Variants in ATP8B3 observed in about 807,000 individuals in gnomAD.
ATP8B3 encodes the protein phospholipid-transporting ATPase IK.
ATP8B3 carries 141 observed loss-of-function variants against 140.9 expected under a neutral mutation model. The ratio of observed to expected loss-of-function variants is 1.00; its 90% CI spans 0.87 to 1.15. The LOEUF is 1.15. Ranked by LOEUF, ATP8B3 falls within the 50% of genes most tolerant of loss-of-function variation. The probability of loss-of-function intolerance (pLI) is 0.00; values close to 1 mark genes in which losing one functional copy is unlikely to be tolerated. For synonymous variants in ATP8B3, 765 were observed against 714.6 expected (o/e 1.07, Z -1.13); for missense variants, 1,874 against 1,740.6 (o/e 1.08, Z -1.36).
chr19:1,810,699 G>GC lies in ATP8B3; in HGVS notation c.249-17dup. 1.9e-6 allele frequency: 3 copies of GC among 1,610,040 alleles called. No individual in the cohort carries two copies. Among genetic ancestry groups the GC allele is most frequent in the Non-Finnish European group, 1.7e-6 (2 of 1,178,716 alleles). ...GCTGGTGGGGCTGTGGGAGAGAAGG[G>GC]CCCCGGGTCACAGCAGTGACCCCAG... is the stretch of plus-strand genomic sequence containing the variant. On this transcript the variant is annotated splice_polypyrimidine_tract_variant and intron_variant, in intron 2 of 28. Coordinates refer to ENST00000310127, the MANE Select transcript of ATP8B3 (RefSeq NM_138813.4).
At chr19:1,801,460 A>G (rs1488914550) in intron 12 of ATP8B3, among the ~76,000 whole-genome samples, 1 of 152,134 alleles carries the variant, frequency 6.6e-6, no homozygotes, top group Non-Finnish European at 1.5e-5. Context: ...CTAAAAATAT[A>G]TTTATTCTGG....
chr19:1,790,717 C>T, intron 21 of ATP8B3, 40 bp downstream of exon 21: 1 of 1,538,830 alleles, frequency 6.5e-7, no homozygotes, highest in Non-Finnish European at 8.8e-7. Context: ...TCCTCACCTC[C>T]CCACTCCCCT....
intron 28 of ATP8B3, among the ~76,000 whole-genome samples, chr19:1,784,462 C>T (rs2068240922): frequency 6.6e-6 from 1 of 152,162 alleles, no homozygotes; most frequent in African/African-American, 2.4e-5. Context: ...CTGCAGTGAG[C>T]CGAGATTGTG....
In ATP8B3 at chr19:1,795,784, TACACACACACACACACACACACAC is replaced by T. The variant is rs10526864; in HGVS notation, c.2055+67_2055+90del. The stretch of plus-strand genomic sequence containing the variant: ...CCCTGCCTCCTCCTCCTCCTGTCCC[TACACACACACACACACACACACAC>T]ACACACACACACACACACACACACA... On this transcript the variant is annotated intron_variant, in intron 18 of 28. Coordinates refer to ENST00000310127, the MANE Select transcript of ATP8B3 (RefSeq NM_138813.4). 1,560 of 894,586 alleles carry T rather than the reference TACACACACACACACACACACACAC, an allele frequency of 1.7e-3. 9 individuals carry two copies. The highest frequency in any genetic ancestry group is 0.016 in the South Asian group (985 of 63,284). 55.4% of individuals were successfully genotyped at this position (894,586 alleles called of 1,614,324 possible). A position where few individuals can be genotyped will look rare whatever the true frequency, so the allele number is the denominator to read the frequency against.
rs547340090 is a variant in ATP8B3 at position 1,795,980 on chromosome 19, C to T, written c.1950G>A (p.Lys650=). Residue 650 remains lysine (K), a synonymous_variant, in exon 18 of 29, where the codon AAG becomes AAA. Transcript: ENST00000310127. ...TGTACAGGCAGATGGCGCCCTCTGG[C>T]TTTCGAACTGTGGGGGAACAGGCCC... is the stretch of plus-strand genomic sequence containing the variant. ...TRKRMSVLVR[K]PEGAICLYTK... is the part of the protein sequence containing the mutation. The T allele has an allele frequency of 7.0e-5, 113 of 1,613,196 alleles. No homozygotes were observed. The South Asian group carries it at 1.2e-3, about 18-fold the overall frequency.
chr19:1,810,603 CT>C lies in ATP8B3; in HGVS notation c.310+18del, dbSNP rs778944155. 3.1e-6 allele frequency: 5 copies of C among 1,611,184 alleles called. 1 individual carries two copies. The highest frequency in any genetic ancestry group is 2.2e-5 in the East Asian group (1 of 44,758). Reference sequence around the variant, plus strand: ...TAATCCCTCCCACCTGCACCGCCCCCTCTGCCCAGGATCAGCACCTGAGTTC... The same window carrying C: ...TAATCCCTCCCACCTGCACCGCCCCCCTGCCCAGGATCAGCACCTGAGTTC... On this transcript the variant is annotated intron_variant, in intron 3 of 28. Transcript: ENST00000310127.
chr19:1,809,796 C>A, intron 3 of ATP8B3, 62 bp from the exon 4 acceptor site: 3 of 1,473,724 alleles, frequency 2.0e-6, no homozygotes, highest in South Asian at 2.4e-5. Context: ...CCCTAATGAC[C>A]GCCCGGAGGA....
rs188890185 is a variant in ATP8B3, at chr19:1,792,308, G to A, written c.2056-173C>T. On this transcript the variant is annotated intron_variant, in intron 18 of 28. Transcript: ENST00000310127. ...AGAAAACTGGTCTGAGGCCGGGTAC[G>A]GTGGCTCACGCCTGCAATCCCAGCA... 2.1e-4 allele frequency among the ~76,000 whole-genome samples: 32 copies of A among 152,328 alleles called. No individual in the cohort carries two copies. The South Asian group carries it at 6.0e-3, about 29-fold the overall frequency.
intron 5 of ATP8B3, 35 bp downstream of exon 5, chr19:1,808,187 A>AG: frequency 2.0e-6 from 3 of 1,504,174 alleles, no homozygotes; most frequent in South Asian, 1.2e-5. Flanking sequence ...CCAGGTGGCT[A>AG]GGGGGGACTT....
At chr19:1,810,720 C>A (rs2069165888) in intron 2 of ATP8B3, 37 bp from the exon 3 acceptor site, 2 of 1,594,594 alleles carry the variant, frequency 1.3e-6, no homozygotes, top group Admixed American at 3.5e-5. Flanking sequence ...CAGCAGTGAC[C>A]CCAGCCCTTG....
Position 1,808,315 on chromosome 19 carries a change from G to A in ATP8B3, c.423C>T (p.Ala141=), listed in dbSNP as rs1214040282. ...GCAGGAACGAGTAGAAGTTGTACTT[G>A]GCCGTGCGGATGACATTGGTCTGGA... ...KKYKTNVIRT[A]KYNFYSFLPL... Residue 141 remains alanine, a synonymous_variant, in exon 5 of 29, where the codon GCC becomes GCT. Transcript: ENST00000310127. 1 of 1,612,680 alleles carries A rather than the reference G, an allele frequency of 6.2e-7. No homozygotes were observed. The highest frequency in any genetic ancestry group is 1.7e-5 in the Admixed American group (1 of 59,970).
chr19:1,789,654 T>A lies in ATP8B3; in HGVS notation c.2552A>T (p.Gln851Leu). The A allele has an allele frequency of 6.2e-7, 1 of 1,600,866 alleles. No homozygotes were observed. Among genetic ancestry groups the A allele is most frequent in the East Asian group, 2.2e-5 (1 of 44,636 alleles). ...AQNVNMDEAWQELGQSRRDFL... is the reference protein window; with the variant it reads ...AQNVNMDEAWLELGQSRRDFL... Reference sequence around the variant, plus strand: ...ATCCCTCCTGGACTGGCCGAGCTCCTGCCACGCCTCGTCCATGTTCACGTT... The same window carrying A: ...ATCCCTCCTGGACTGGCCGAGCTCCAGCCACGCCTCGTCCATGTTCACGTT... Residue 851 changes from glutamine (Q) to leucine (L), a missense_variant, in exon 23 of 29, where the codon CAG (glutamine) becomes CTG (leucine). By Grantham distance (113) the Gln-to-Leu change is moderately radical. Coordinates refer to ENST00000310127, the MANE Select transcript of ATP8B3 (RefSeq NM_138813.4).
At position 1,796,236 on chromosome 19, in the gene ATP8B3, C is replaced by T. The variant is rs749088999; in HGVS notation, c.1783G>A (p.Asp595Asn). Residue 595 changes from aspartate (D) to asparagine (N), a missense_variant, in exon 17 of 29, where the codon GAC becomes AAC. This residue lies in a region of ATP8B3 where 1,032 missense variants were observed against 963.6 expected (regional missense o/e 1.07). Coordinates refer to ENST00000310127, the MANE Select transcript of ATP8B3 (RefSeq NM_138813.4). ...DQLLYQAASP[D>N]EGALVTAARN... ...GCTGCGGTGACCAGCGCCCCCTCGT[C>T]GGGGGAGGCCGCCTGGTACAACAGC... 6.5e-5 allele frequency: 105 copies of T among 1,612,018 alleles called. No homozygotes were observed. The East Asian group carries it at 1.4e-3, about 21-fold the overall frequency.
In ATP8B3 at chr19:1,805,705, G is replaced by A. The variant is rs1193490413; in HGVS notation, c.821+183C>T. ...CGTATGCACACAATGGAAACAATGGGGAGGGTGGGCGTCTTCCTCCCCTCA... is the reference window on the plus strand; with the variant it reads ...CGTATGCACACAATGGAAACAATGGAGAGGGTGGGCGTCTTCCTCCCCTCA... On this transcript the variant is annotated intron_variant, in intron 9 of 28. Transcript: ENST00000310127. This position sits in a 1 kb window ranked among gnomAD's most constrained non-coding sequence, Gnocchi z 5.2. 1.3e-5 allele frequency among the ~76,000 whole-genome samples: 2 copies of A among 152,082 alleles called. No individual in the cohort carries two copies. Among genetic ancestry groups the A allele is most frequent in the African/African-American group, 2.4e-5 (1 of 41,444 alleles).
rs565003118 is a variant in ATP8B3 at position 1,811,480 on chromosome 19, C to G, written c.248+9G>C. 2.4e-5 allele frequency: 39 copies of G among 1,609,558 alleles called. No individual in the cohort carries two copies. The highest frequency in any genetic ancestry group is 3.1e-5 in the Non-Finnish European group (37 of 1,178,596). ...CTGTGTTCCGGCCACCCGATGCACCCGTCCTCACCCTTCTGGTCTCCATTC... is the reference window on the plus strand; with the variant it reads ...CTGTGTTCCGGCCACCCGATGCACCGGTCCTCACCCTTCTGGTCTCCATTC... On this transcript the variant is annotated intron_variant, in intron 2 of 28. Coordinates refer to ENST00000310127, the MANE Select transcript of ATP8B3 (RefSeq NM_138813.4).
Position 1,782,248 on chromosome 19 carries a change from G to T in ATP8B3, c.*780C>A. 3.1e-6 allele frequency: 1 copy of T among 323,190 alleles called. No individual in the cohort carries two copies. Among genetic ancestry groups the T allele is most frequent in the South Asian group, 1.2e-4 (1 of 8,008 alleles). The allele number at this position is 323,190 out of a possible 1,614,324, so 20.0% of individuals were successfully genotyped here. On this transcript the variant is annotated 3_prime_UTR_variant, in exon 29 of 29. Coordinates refer to ENST00000310127, the MANE Select transcript of ATP8B3 (RefSeq NM_138813.4). Reference sequence around the variant, plus strand: ...ATGCCAGCGTGACTCCTTTGGGCTCGAAGATGCCTCTTCATCAGATGGGTC... The same window carrying T: ...ATGCCAGCGTGACTCCTTTGGGCTCTAAGATGCCTCTTCATCAGATGGGTC...
chr19:1,804,775 C>T (rs957395991), intron 10 of ATP8B3, among the ~76,000 whole-genome samples: 7 of 152,106 alleles, frequency 4.6e-5, no homozygotes, highest in African/African-American at 1.7e-4. Context: ...CACTGCACTC[C>T]AGCCTGGGAG....
chr19:1,812,016 C>T, intron 1 of ATP8B3, 132 bp from the exon 2 acceptor site: 1 of 453,142 alleles, frequency 2.2e-6, no homozygotes, highest in African/African-American at 2.0e-5. Context: ...CTGGACAGGG[C>T]TCCAGAGTCC....
At position 1,807,111 on chromosome 19, in the gene ATP8B3, G is replaced by A; in HGVS notation, c.615+57C>T. ...TCCCACTCTCGCCCAGGGATCAAGA[G>A]ACCCCCCCGACCGGCCCCGCTCCCT... On this transcript the variant is annotated intron_variant, in intron 6 of 28. Coordinates refer to ENST00000310127, the MANE Select transcript of ATP8B3 (RefSeq NM_138813.4). This position sits in a 1 kb window ranked among gnomAD's most constrained non-coding sequence, Gnocchi z 5.9. 6.8e-7 allele frequency: 1 copy of A among 1,477,850 alleles called. No homozygotes were observed. Among genetic ancestry groups the A allele is most frequent in the Non-Finnish European group, 9.4e-7 (1 of 1,061,102 alleles). 91.5% of individuals were successfully genotyped at this position (1,477,850 alleles called of 1,614,324 possible).
Sources: gnomAD v4.1 joint callset for allele counts (sites outside exome capture counted in the v4.1 genomes callset) on GRCh38, gnomAD v4.1.1 for gene constraint, gnomAD v4.1.1 regional missense constraint, Gnocchi (gnomAD v3.1) non-coding constraint, MANE v1.5 for transcripts, NCBI Gene and HGNC (gene_info 2026-07-23, HGNC 2026-07-21) for gene names.